Variants in SEC23A observed in about 807,000 individuals in gnomAD.
SEC23A encodes SEC23 homolog A, COPII component.
In SEC23A, 56 loss-of-function variants were observed where a neutral mutation model predicts 103.7. That is an observed-to-expected ratio of 0.54 (90% CI 0.44 to 0.67). The LOEUF (loss-of-function observed/expected upper bound fraction) is 0.67. Ranked by LOEUF, SEC23A falls within the 30% of genes least tolerant of loss-of-function variation. The probability of loss-of-function intolerance (pLI) is 0.00; values close to 1 mark genes in which losing one functional copy is unlikely to be tolerated. For synonymous variants in SEC23A, 281 were observed against 293.0 expected (o/e 0.96, Z 0.42); for missense variants, 784 against 936.4 (o/e 0.84, Z 2.12).
At chr14:39,086,148 A>T (rs1030535379) in intron 6 of SEC23A, among the ~76,000 whole-genome samples, 1 of 152,046 alleles carries the variant, frequency 6.6e-6, no homozygotes, top group African/African-American at 2.4e-5. Flanking sequence ...TGCATTTCAA[A>T]CGCATTCCTA....
At chr14:39,056,756 C>G (rs899032582) in intron 13 of SEC23A, among the ~76,000 whole-genome samples, 1 of 152,174 alleles carries the variant, frequency 6.6e-6, no homozygotes, top group African/African-American at 2.4e-5. Context: ...AGCACCACAC[C>G]AGGCTCAAAT....
At chr14:39,092,473 T>C (rs1887695620) in intron 4 of SEC23A, 68 bp downstream of exon 4, 4 of 928,026 alleles carry the variant, frequency 4.3e-6, no homozygotes, top group South Asian at 2.9e-5. Context: ...TTCTAAATCA[T>C]CATAATTTAA....
intron 5 of SEC23A, chr14:39,088,581 A>G (rs1887538321): frequency 6.6e-6 from 1 of 152,088 alleles, no homozygotes; most frequent in Non-Finnish European, 1.5e-5. Context: ...AAAAATACAA[A>G]AATTAGTAAG....
At chr14:39,056,755 C>G (rs1886265255) in intron 13 of SEC23A, among the ~76,000 whole-genome samples, 1 of 152,086 alleles carries the variant, frequency 6.6e-6, no homozygotes, top group Admixed American at 6.6e-5. Context: ...GAGCACCACA[C>G]CAGGCTCAAA....
chr14:39,091,387 A>C, intron 5 of SEC23A, 90 bp downstream of exon 5: 1 of 876,928 alleles, frequency 1.1e-6, no homozygotes, highest in Non-Finnish European at 1.9e-6. Context: ...ATTCATAATA[A>C]AAATTTGTCC....
Position 39,091,650 on chromosome 14 carries a change from AATCTTC to A in SEC23A, c.424_429del (p.Glu142_Asp143del). On this transcript the variant is annotated inframe_deletion, in exon 5 of 20. Coordinates refer to ENST00000307712, the MANE Select transcript of SEC23A (RefSeq NM_006364.4). ...TGCATGGATTCTTTCAGGGCTTGTAAATCTTCATCTTCCATGCAAGTATCAACCACA... is the reference window on the plus strand; with the variant it reads ...TGCATGGATTCTTTCAGGGCTTGTAAATCTTCCATGCAAGTATCAACCACA... The A allele has an allele frequency of 6.2e-7, 1 of 1,614,078 alleles. No homozygotes were observed. The highest frequency in any genetic ancestry group is 8.5e-7 in the Non-Finnish European group (1 of 1,179,964).
At chr14:39,089,684 C>A in intron 5 of SEC23A, among the ~76,000 whole-genome samples, 1 of 152,186 alleles carries the variant, frequency 6.6e-6, no homozygotes, top group East Asian at 1.9e-4. Context: ...AGGCCGAGCA[C>A]GGTGGCTCAC....
chr14:39,100,559 T>A (rs1888050867), intron 1 of SEC23A, among the ~76,000 whole-genome samples: 1 of 151,766 alleles, frequency 6.6e-6, no homozygotes. Flanking sequence ...ATTACGGGCA[T>A]AAGCCACCAC....
chr14:39,084,340 C>A (rs1686807664), intron 7 of SEC23A, among the ~76,000 whole-genome samples: 1 of 152,036 alleles, frequency 6.6e-6, no homozygotes, highest in Non-Finnish European at 1.5e-5. Context: ...TTTTGTAATT[C>A]TAAAGCTAAG....
In SEC23A at chr14:39,091,249, CTTTAAAT is replaced by C. The variant is rs151129342; in HGVS notation, c.603+221_603+227del. 13,188 of 547,392 alleles carry C rather than the reference CTTTAAAT, an allele frequency of 0.024. 253 individuals carry two copies. Among genetic ancestry groups the C allele is most frequent in the South Asian group, 0.052 (2,298 of 44,240 alleles). 33.9% of individuals were successfully genotyped at this position (547,392 alleles called of 1,614,324 possible). A position where few individuals can be genotyped will look rare whatever the true frequency, so the allele number is the denominator to read the frequency against. ...CTCTAGTAAAATACTGTTGGTTTGA[CTTTAAAT>C]TTTAAAGATATAGTTAAAAGTGAAG... On this transcript the variant is annotated intron_variant, in intron 5 of 19. Transcript: ENST00000307712.
intron 9 of SEC23A, among the ~76,000 whole-genome samples, chr14:39,069,994 C>T (rs1295158509): frequency 6.6e-6 from 1 of 152,196 alleles, no homozygotes; most frequent in Non-Finnish European, 1.5e-5. Flanking sequence ...ATCCTATCTC[C>T]TCTCATTAGA....
At chr14:39,047,470 A>C in intron 15 of SEC23A, 1 of 1,114,864 alleles carries the variant, frequency 9.0e-7, no homozygotes. Flanking sequence ...GTTATAGATC[A>C]ATCAGCAATA....
chr14:39,045,421 A>G (rs1235887556), intron 15 of SEC23A, 97 bp from the exon 16 acceptor site: 8 of 809,580 alleles, frequency 9.9e-6, no homozygotes, highest in Non-Finnish European at 1.6e-5. Flanking sequence ...TATTAACAAC[A>G]TAACAAAACA....
intron 13 of SEC23A, among the ~76,000 whole-genome samples, chr14:39,061,409 T>C (rs1886472355): frequency 6.6e-6 from 1 of 152,128 alleles, no homozygotes; most frequent in East Asian, 1.9e-4. Context: ...TTATCACTAA[T>C]TGAAAAGTAA....
In SEC23A at chr14:39,049,406, G is replaced by T. The variant is rs562455872; in HGVS notation, c.1660-677C>A. On this transcript the variant is annotated intron_variant, in intron 14 of 19. Coordinates refer to ENST00000307712, the MANE Select transcript of SEC23A (RefSeq NM_006364.4). ...CAAAAGAATTGCTTGAATCCGGAAG[G>T]CAGAGGTTGCAGTGAGCTGAGATCG... is the stretch of plus-strand genomic sequence containing the variant. Among the ~76,000 whole-genome samples the T allele has an allele frequency of 9.9e-5, 15 of 151,916 alleles. No individual in the cohort carries two copies. In the South Asian group the frequency reaches 3.1e-3, roughly 32 times the overall value.
Position 39,033,212 on chromosome 14 carries a change from T to C in SEC23A, c.*27A>G, listed in dbSNP as rs752336930. Reference sequence around the variant, plus strand: ...GAAATTTGAATATTATTTCATCTTCTTAAGTGTCTTTAACATTATTAGCAC... The same window carrying C: ...GAAATTTGAATATTATTTCATCTTCCTAAGTGTCTTTAACATTATTAGCAC... On this transcript the variant is annotated 3_prime_UTR_variant, in exon 20 of 20. Coordinates refer to ENST00000307712, the MANE Select transcript of SEC23A (RefSeq NM_006364.4). The C allele has an allele frequency of 6.7e-7, 1 of 1,488,294 alleles. No homozygotes were observed. Among genetic ancestry groups the C allele is most frequent in the Admixed American group, 1.7e-5 (1 of 59,836 alleles). 92.2% of individuals were successfully genotyped at this position (1,488,294 alleles called of 1,614,324 possible). A position where few individuals can be genotyped will look rare whatever the true frequency, so the allele number is the denominator to read the frequency against.
At chr14:39,035,124 T>A (rs540975831) in intron 19 of SEC23A, among the ~76,000 whole-genome samples, 7 of 152,306 alleles carry the variant, frequency 4.6e-5, no homozygotes, top group African/African-American at 1.4e-4. Flanking sequence ...ATAAAATACT[T>A]AATCTATATG....
At chr14:39,042,915 T>C (rs374385312) in intron 16 of SEC23A, 43 bp from the exon 17 acceptor site, 35 of 1,167,620 alleles carry the variant, frequency 3.0e-5, no homozygotes, top group Non-Finnish European at 3.1e-5. Context: ...AAAGGAAAAA[T>C]AATCTACTCA....
chr14:39,079,648 C>T (rs1887152732), intron 7 of SEC23A, among the ~76,000 whole-genome samples: 1 of 151,988 alleles, frequency 6.6e-6, no homozygotes, highest in South Asian at 2.1e-4. Flanking sequence ...TGGTGAAACC[C>T]TGTCTCTACT....
Sources: allele counts gnomAD v4.1 joint callset (sites outside exome capture counted in the v4.1 genomes callset), GRCh38; gene constraint gnomAD v4.1.1; transcripts MANE v1.5; gene names NCBI Gene and HGNC (gene_info 2026-07-23, HGNC 2026-07-21).